PACRG: variants seen among roughly 807,000 people sequenced by gnomAD.
The protein encoded by PACRG is parkin coregulated, also known as parkin coregulated gene protein.
PACRG carries 29 observed loss-of-function variants against 29.7 expected under a neutral mutation model. The ratio of observed to expected loss-of-function variants is 0.98; its 90% CI spans 0.73 to 1.33. The LOEUF (loss-of-function observed/expected upper bound fraction) is 1.33. Among genes scored for constraint, PACRG ranks in the 40% most tolerant of loss-of-function variants. The probability of loss-of-function intolerance (pLI) is 0.00; values close to 1 mark genes in which losing one functional copy is unlikely to be tolerated. For synonymous variants in PACRG, 116 were observed against 118.7 expected, an observed-to-expected ratio of 0.98 and a Z score of 0.15; for missense variants, 279 against 316.2, an observed-to-expected ratio of 0.88 and a Z score of 0.89.
chr6:163,226,110 T>C (rs1356951565), intron 4 of PACRG, among the ~76,000 whole-genome samples: 1 of 152,206 alleles, frequency 6.6e-6, no homozygotes, highest in Non-Finnish European at 1.5e-5. Flanking sequence ...ACCAGTCACA[T>C]AAAGACAAAA....
intron 2 of PACRG, among the ~76,000 whole-genome samples, chr6:162,827,464 A>G (rs1485953294): frequency 2.6e-5 from 4 of 152,216 alleles, no homozygotes; most frequent in African/African-American, 7.2e-5. Context: ...CAATATTACC[A>G]GTAATATTTT....
At chr6:163,175,196 G>A (rs1297149633) in intron 4 of PACRG, among the ~76,000 whole-genome samples, 1 of 152,152 alleles carries the variant, frequency 6.6e-6, no homozygotes, top group East Asian at 1.9e-4. Context: ...TTTCTACTGC[G>A]TTCCGATCTG....
At chr6:163,057,576 G>A (rs1810707317) in intron 2 of PACRG, among the ~76,000 whole-genome samples, 1 of 152,008 alleles carries the variant, frequency 6.6e-6, no homozygotes, top group South Asian at 2.1e-4. Context: ...CCACAACTCT[G>A]GCTCATTTTT....
intron 2 of PACRG, among the ~76,000 whole-genome samples, chr6:162,896,708 A>G (rs1370134757): frequency 6.6e-6 from 1 of 152,214 alleles, no homozygotes; most frequent in Admixed American, 6.5e-5. Context: ...GTATGACACA[A>G]TCTGTAGCAA....
At chr6:162,855,771 T>C (rs978532602) in intron 2 of PACRG, among the ~76,000 whole-genome samples, 17 of 152,182 alleles carry the variant, frequency 1.1e-4, no homozygotes, top group South Asian at 2.1e-4. Context: ...TCATGTTTTC[T>C]CCACTGGAGA....
At chr6:162,851,513 C>T (rs1426478789) in intron 2 of PACRG, among the ~76,000 whole-genome samples, 1 of 152,156 alleles carries the variant, frequency 6.6e-6, no homozygotes, top group Non-Finnish European at 1.5e-5. Context: ...CAAATATTGA[C>T]ATTTAAAAAT....
At chr6:163,287,798 T>G (rs1286526682) in intron 4 of PACRG, among the ~76,000 whole-genome samples, 1 of 152,116 alleles carries the variant, frequency 6.6e-6, no homozygotes, top group East Asian at 1.9e-4. Context: ...GAGTGTGGCG[T>G]GCGCAGTTGG....
chr6:162,804,775 CT>C (rs537571045), intron 1 of PACRG, among the ~76,000 whole-genome samples: 29 of 151,936 alleles, frequency 1.9e-4, no homozygotes, highest in Non-Finnish European at 4.1e-4. Flanking sequence ...CCTATAGTGC[CT>C]TATTTTTAAA....
chr6:163,163,532 A>G (rs1302497766), intron 4 of PACRG, among the ~76,000 whole-genome samples: 7 of 152,214 alleles, frequency 4.6e-5, no homozygotes, highest in Non-Finnish European at 8.8e-5. Flanking sequence ...TCGGCCTCAC[A>G]AAGTGCTGGG....
At chr6:163,258,008 T>C (rs1783182320) in intron 4 of PACRG, among the ~76,000 whole-genome samples, 1 of 152,190 alleles carries the variant, frequency 6.6e-6, no homozygotes, top group Admixed American at 6.5e-5. Context: ...CAAATAATTA[T>C]CTTTTCTCTC....
chr6:162,809,885 T>C (rs1462083636), intron 1 of PACRG, among the ~76,000 whole-genome samples: 2 of 152,138 alleles, frequency 1.3e-5, no homozygotes, highest in Non-Finnish European at 2.9e-5. Flanking sequence ...TTCACTAGAA[T>C]AGTAAAGAGG....
chr6:162,982,320 T>A (rs1272398651), intron 2 of PACRG, among the ~76,000 whole-genome samples: 1 of 152,060 alleles, frequency 6.6e-6, no homozygotes, highest in Non-Finnish European at 1.5e-5. Flanking sequence ...GTGATCTTTG[T>A]CATTTCTTTT....
At chr6:162,806,183 A>G (rs1786309045) in intron 1 of PACRG, among the ~76,000 whole-genome samples, 1 of 150,736 alleles carries the variant, frequency 6.6e-6, no homozygotes, top group Admixed American at 6.6e-5. Context: ...ATCTCAGCTT[A>G]CTGCAACCTC....
At chr6:162,779,605 A>G (rs139792946) in intron 1 of PACRG, among the ~76,000 whole-genome samples, 5 of 152,322 alleles carry the variant, frequency 3.3e-5, no homozygotes, top group African/African-American at 4.8e-5. Flanking sequence ...CCATCTAACA[A>G]TGTTATAACA....
At chr6:163,163,230 C>T (rs1460281145) in intron 4 of PACRG, among the ~76,000 whole-genome samples, 1 of 152,084 alleles carries the variant, frequency 6.6e-6, no homozygotes, top group South Asian at 2.1e-4. Context: ...AATTCAGCTG[C>T]TTTATCAGCT....
At chr6:163,089,722 G>A (rs186534763) in intron 4 of PACRG, among the ~76,000 whole-genome samples, 130 of 152,170 alleles carry the variant, frequency 8.5e-4, no homozygotes, top group African/African-American at 2.8e-3. Flanking sequence ...TAGGTTTTGA[G>A]TTTGTTCTTT....
chr6:163,155,668 T>C (rs937924334), intron 4 of PACRG, among the ~76,000 whole-genome samples: 6 of 152,246 alleles, frequency 3.9e-5, no homozygotes, highest in African/African-American at 1.4e-4. Flanking sequence ...ATATTTCTGA[T>C]CTGTACCTTT....
At chr6:162,740,401 T>G (rs1281933719) in intron 1 of PACRG, among the ~76,000 whole-genome samples, 2 of 145,898 alleles carry the variant, frequency 1.4e-5, no homozygotes, top group African/African-American at 2.5e-5. Context: ...AGCTCCACCT[T>G]CCGGGTTCAC....
chr6:163,242,193 C>T (rs1782534299), intron 4 of PACRG, among the ~76,000 whole-genome samples: 1 of 152,160 alleles, frequency 6.6e-6, no homozygotes, highest in African/African-American at 2.4e-5. Context: ...TTTTCTCTTG[C>T]CCTATGGACC....
Sources: gnomAD v4.1 joint callset for allele counts (sites outside exome capture counted in the v4.1 genomes callset) on GRCh38, gnomAD v4.1.1 for gene constraint, MANE v1.5 for transcripts, NCBI Gene and HGNC (gene_info 2026-07-23, HGNC 2026-07-21) for gene names.